DLG1: variants seen among roughly 807,000 people sequenced by gnomAD.
DLG1 encodes disks large homolog 1.
DLG1 carries 42 observed loss-of-function variants against 123.4 expected under a neutral mutation model. That is an observed-to-expected ratio of 0.34 (90% confidence interval 0.27 to 0.44). DLG1 has a LOEUF of 0.44. Among genes scored for constraint, DLG1 ranks in the 20% least tolerant of loss-of-function variants. The pLI, the probability that DLG1 is intolerant of heterozygous loss-of-function variation, is 1.00. For synonymous variants in DLG1, 317 were observed against 356.2 expected (o/e 0.89, Z 1.24); for missense variants, 942 against 1,082.6 (o/e 0.87, Z 1.82).
chr3:197,159,704 C>T (rs1312151737), intron 5 of DLG1, among the ~76,000 whole-genome samples: 1 of 152,128 alleles, frequency 6.6e-6, no homozygotes, highest in Non-Finnish European at 1.5e-5. Context: ...ATTAGGAACA[C>T]ACTTATTCTG....
chr3:197,131,591 T>TC (rs1782560935), intron 10 of DLG1, among the ~76,000 whole-genome samples: 1 of 119,814 alleles, frequency 8.3e-6, no homozygotes, highest in African/African-American at 3.6e-5. Flanking sequence ...TTTCTTTTTT[T>TC]TTTTTTTTTT....
At chr3:197,066,394 A>G (rs926468849) in intron 20 of DLG1, among the ~76,000 whole-genome samples, 1 of 152,198 alleles carries the variant, frequency 6.6e-6, no homozygotes, top group African/African-American at 2.4e-5. Flanking sequence ...GGAGGAACAG[A>G]GAAGGCTCAA....
intron 4 of DLG1, among the ~76,000 whole-genome samples, chr3:197,206,926 G>A (rs1318521527): frequency 1.3e-5 from 2 of 152,128 alleles, no homozygotes; most frequent in African/African-American, 2.4e-5. Context: ...TATAGATATC[G>A]ATTGCTTTCA....
intron 10 of DLG1, among the ~76,000 whole-genome samples, chr3:197,135,561 C>A (rs1784676761): frequency 6.6e-6 from 1 of 152,078 alleles, no homozygotes; most frequent in Non-Finnish European, 1.5e-5. Flanking sequence ...TTCTTCATAG[C>A]AGTGTGAAAA....
intron 23 of DLG1, among the ~76,000 whole-genome samples, chr3:197,053,866 G>GTGGA (rs1210480737): frequency 6.6e-6 from 1 of 151,962 alleles, no homozygotes; most frequent in African/African-American, 2.4e-5. Flanking sequence ...GCTGAGGTGG[G>GTGGA]TGGATCACTT....
intron 4 of DLG1, among the ~76,000 whole-genome samples, chr3:197,260,750 CAAAAAAAAAAAAAAAAAAAA>C (rs570596943): frequency 2.7e-4 from 5 of 18,292 alleles, no homozygotes; most frequent in African/African-American, 4.2e-4. Context: ...TGACAACCAC[CAAAAAAAAAAAAAAAAAAAA>C]AAAAAAAAAA....
At chr3:197,227,375 T>C (rs1002042209) in intron 4 of DLG1, among the ~76,000 whole-genome samples, 2 of 151,814 alleles carry the variant, frequency 1.3e-5, no homozygotes, top group Non-Finnish European at 2.9e-5. Context: ...CTTGGGGGAC[T>C]GGGGCAGGAG....
At chr3:197,095,373 G>A (rs1209041141) in intron 14 of DLG1, among the ~76,000 whole-genome samples, 1 of 151,896 alleles carries the variant, frequency 6.6e-6, no homozygotes, top group Non-Finnish European at 1.5e-5. Flanking sequence ...GTTGCATTTA[G>A]TTGTCACGTC....
In DLG1 at chr3:197,119,294, CACTA is replaced by C. The variant is rs1320880841; in HGVS notation, c.1286+112_1286+115del. The C allele has an allele frequency of 1.9e-5, 15 of 778,864 alleles. No homozygotes were observed. The South Asian group carries it at 3.0e-4, about 15-fold the overall frequency. The allele number at this position is 778,864 out of a possible 1,614,324, so 48.2% of individuals were successfully genotyped here. A position where few individuals can be genotyped will look rare whatever the true frequency, so the allele number is the denominator to read the frequency against. ...ATGGAAAAAAATTAACCTTTAAGCT[CACTA>C]ACTGTCAATAAAATTTTTTAGTCCT... is the stretch of plus-strand genomic sequence containing the variant. On this transcript the variant is annotated intron_variant, in intron 12 of 24. Coordinates refer to ENST00000667157, the MANE Select transcript of DLG1 (RefSeq NM_001366207.1).
At chr3:197,047,910 G>A (rs1330363424) in intron 24 of DLG1, among the ~76,000 whole-genome samples, 1 of 150,948 alleles carries the variant, frequency 6.6e-6, no homozygotes, top group South Asian at 2.1e-4. Flanking sequence ...TCATCAAGTG[G>A]GATATTAAAT....
Position 197,115,833 on chromosome 3 carries a change from C to T in DLG1, c.1443+94G>A. ...TGTTAAGAAGATAACCAAGATATCC[C>T]CATTACTTTAGGATATAAAAAAACA... On this transcript the variant is annotated intron_variant, in intron 13 of 24. Transcript: ENST00000667157. 4 of 1,190,874 alleles carry T rather than the reference C, an allele frequency of 3.4e-6. No individual in the cohort carries two copies. In the South Asian group the frequency reaches 5.6e-5, roughly 17 times the overall value. The allele number at this position is 1,190,874 out of a possible 1,614,324, so 73.8% of individuals were successfully genotyped here.
intron 1 of DLG1, chr3:197,297,486 C>G: frequency 2.3e-6 from 3 of 1,312,352 alleles, no homozygotes; most frequent in Non-Finnish European, 2.9e-6. Flanking sequence ...CGTCCCCTCC[C>G]CAAAGAGCCT....
rs974816278 is a variant in DLG1, at chr3:197,149,072, A to G, written c.537+671T>C. 1.1e-4 allele frequency among the ~76,000 whole-genome samples: 16 copies of G among 152,200 alleles called. 1 individual carries two copies. The highest frequency in any genetic ancestry group is 3.9e-4 in the African/African-American group (16 of 41,448). On this transcript the variant is annotated intron_variant, in intron 6 of 24. Coordinates refer to ENST00000667157, the MANE Select transcript of DLG1 (RefSeq NM_001366207.1). ...TTATGTTGAGATATTCACATATCAT[A>G]AAATCTACCTTTTTAAAGTATGCAA...
At chr3:197,251,103 G>C (rs984438571) in intron 4 of DLG1, among the ~76,000 whole-genome samples, 5 of 151,510 alleles carry the variant, frequency 3.3e-5, no homozygotes, top group African/African-American at 1.2e-4. Context: ...TACAGATTCA[G>C]GGACAGGCAC....
At chr3:197,170,541 T>G (rs1333495128) in intron 5 of DLG1, among the ~76,000 whole-genome samples, 2 of 152,156 alleles carry the variant, frequency 1.3e-5, no homozygotes, top group Admixed American at 6.5e-5. Flanking sequence ...TGTTGGCCAC[T>G]TTTGAACAGT....
chr3:197,192,741 G>C (rs975371856), intron 5 of DLG1, among the ~76,000 whole-genome samples: 1 of 152,138 alleles, frequency 6.6e-6, no homozygotes, highest in African/African-American at 2.4e-5. Flanking sequence ...TATAAGAACA[G>C]AGGGGTAAGG....
intron 4 of DLG1, among the ~76,000 whole-genome samples, chr3:197,232,005 G>A (rs1743407471): frequency 3.3e-5 from 5 of 152,024 alleles, no homozygotes; most frequent in Admixed American, 3.3e-4. Context: ...CAATGTACAT[G>A]GTCACAATGG....
chr3:197,099,693 AC>A (rs1762440055), intron 14 of DLG1, among the ~76,000 whole-genome samples: 1 of 152,206 alleles, frequency 6.6e-6, no homozygotes, highest in Non-Finnish European at 1.5e-5. Flanking sequence ...GGGAAATTGG[AC>A]TTCCTCAATC....
At chr3:197,237,197 C>A (rs550448043) in intron 4 of DLG1, among the ~76,000 whole-genome samples, 72 of 152,268 alleles carry the variant, frequency 4.7e-4, no homozygotes, top group African/African-American at 1.6e-3. Flanking sequence ...CAACTAAAAT[C>A]TTTGGCCATT....
Sources: allele counts gnomAD v4.1 joint callset (sites outside exome capture counted in the v4.1 genomes callset), GRCh38; gene constraint gnomAD v4.1.1; transcripts MANE v1.5; gene names NCBI Gene and HGNC (gene_info 2026-07-23, HGNC 2026-07-21).